CDH18: variants seen among roughly 807,000 people sequenced by gnomAD.
The protein encoded by CDH18 is cadherin-18.
Under a neutral mutation model 67.9 loss-of-function variants are expected in CDH18, and 31 were observed. The ratio of observed to expected loss-of-function variants is 0.46; its 90% CI spans 0.34 to 0.62. The LOEUF (loss-of-function observed/expected upper bound fraction) is 0.62, where lower values mean the gene tolerates loss of function less well. CDH18 is among the 20% of genes least tolerant of loss of function. The probability of loss-of-function intolerance (pLI) is 0.01; values close to 1 mark genes in which losing one functional copy is unlikely to be tolerated. For missense variants in CDH18, 890 were observed against 975.5 expected (o/e 0.91, Z 1.17); for synonymous variants, 362 against 347.2 (o/e 1.04, Z -0.48).
At chr5:19,620,928 A>AT (rs950040458) in intron 5 of CDH18, among the ~76,000 whole-genome samples, 1 of 152,182 alleles carries the variant, frequency 6.6e-6, no homozygotes, top group African/African-American at 2.4e-5. Context: ...TACTAAGAGC[A>AT]TAACAGATGC....
chr5:20,344,255 G>T (rs1740520676), intron 1 of CDH18, among the ~76,000 whole-genome samples: 1 of 152,076 alleles, frequency 6.6e-6, no homozygotes, highest in Non-Finnish European at 1.5e-5. Flanking sequence ...CAGTCAAAGA[G>T]GTTATTAATG....
At chr5:19,986,503 G>T (rs1268861853) in intron 1 of CDH18, among the ~76,000 whole-genome samples, 2 of 152,186 alleles carry the variant, frequency 1.3e-5, no homozygotes, top group East Asian at 1.9e-4. Flanking sequence ...TGTTTGTTTG[G>T]TTGGTTTTTT....
chr5:20,254,475 C>A (rs1173752465), intron 2 of CDH18, among the ~76,000 whole-genome samples: 2 of 152,160 alleles, frequency 1.3e-5, no homozygotes, highest in Non-Finnish European at 2.9e-5. Flanking sequence ...AAACTAACTT[C>A]ATAGGTGCAG....
intron 1 of CDH18, among the ~76,000 whole-genome samples, chr5:20,450,207 C>T (rs547702972): frequency 2.0e-5 from 3 of 151,936 alleles, no homozygotes; most frequent in Non-Finnish European, 2.9e-5. Context: ...ATTAGCCAGA[C>T]GTGGTGGCAC....
chr5:19,612,858 C>T (rs1749216326), intron 5 of CDH18, among the ~76,000 whole-genome samples: 1 of 152,110 alleles, frequency 6.6e-6, no homozygotes, highest in Non-Finnish European at 1.5e-5. Flanking sequence ...GATGGTCCCT[C>T]GGCCGGATGC....
chr5:20,008,317 C>G (rs1003293321), intron 2 of CDH18, among the ~76,000 whole-genome samples: 1 of 152,064 alleles, frequency 6.6e-6, no homozygotes, highest in Non-Finnish European at 1.5e-5. Flanking sequence ...TGGGGCTGCA[C>G]TGAATTTCTG....
chr5:20,329,335 T>C (rs913041871), intron 1 of CDH18, among the ~76,000 whole-genome samples: 1 of 152,206 alleles, frequency 6.6e-6, no homozygotes, highest in Non-Finnish European at 1.5e-5. Flanking sequence ...ATTTTAAAAC[T>C]TTCAATTTAT....
chr5:19,976,687 T>C (rs1032826357), intron 2 of CDH18, among the ~76,000 whole-genome samples: 1 of 151,952 alleles, frequency 6.6e-6, no homozygotes, highest in African/African-American at 2.4e-5. Flanking sequence ...AGGAAAGAAA[T>C]AATATTGTTA....
intron 7 of CDH18, among the ~76,000 whole-genome samples, chr5:19,586,682 T>C (rs1744202482): frequency 6.6e-6 from 1 of 152,188 alleles, no homozygotes; most frequent in South Asian, 2.1e-4. Flanking sequence ...CATGCATGTG[T>C]CTTTATAACA....
chr5:20,084,426 G>A (rs763476193), intron 2 of CDH18, among the ~76,000 whole-genome samples: 1 of 152,220 alleles, frequency 6.6e-6, no homozygotes, highest in Non-Finnish European at 1.5e-5. Flanking sequence ...CTGGTCTTGA[G>A]TGTCTGCAGC....
At chr5:20,121,328 G>C (rs762252505) in intron 2 of CDH18, among the ~76,000 whole-genome samples, 1 of 152,142 alleles carries the variant, frequency 6.6e-6, no homozygotes, top group Non-Finnish European at 1.5e-5. Flanking sequence ...AAGGATTAAA[G>C]AAAATGAAAT....
At chr5:19,512,184 G>A (rs1745231204) in intron 10 of CDH18, among the ~76,000 whole-genome samples, 1 of 152,054 alleles carries the variant, frequency 6.6e-6, no homozygotes, top group African/African-American at 2.4e-5. Context: ...AGGTAGCATG[G>A]GACTAGCAAC....
intron 2 of CDH18, among the ~76,000 whole-genome samples, chr5:20,089,017 CT>C (rs1168399968): frequency 6.6e-6 from 1 of 151,998 alleles, no homozygotes; most frequent in African/African-American, 2.4e-5. Context: ...GTATGTATTG[CT>C]GTTTTTTCTG....
In CDH18 at chr5:20,266,390, TAGC is replaced by T. The variant is rs1745032717; in HGVS notation, c.-579-10888_-579-10886del. ...AGAAATTAGAGTTACACTATTTCCA[TAGC>T]ACAAGAAAAAAAGTATGTTTGTTTG... On this transcript the variant is annotated intron_variant, in intron 1 of 14. Coordinates refer to the CDH18 transcript ENST00000507958. Among the ~76,000 whole-genome samples, 3 of 151,968 alleles carry T rather than the reference TAGC, an allele frequency of 2.0e-5. No individual in the cohort carries two copies. The South Asian group carries it at 6.2e-4, about 31-fold the overall frequency.
At chr5:19,496,319 A>G (rs575017234) in intron 11 of CDH18, among the ~76,000 whole-genome samples, 1 of 152,316 alleles carries the variant, frequency 6.6e-6, no homozygotes, top group Non-Finnish European at 1.5e-5. Context: ...TGCTTACCAG[A>G]GAAATGGTGA....
At chr5:20,130,420 C>T (rs528665962) in intron 2 of CDH18, among the ~76,000 whole-genome samples, 57 of 137,702 alleles carry the variant, frequency 4.1e-4, no homozygotes, top group African/African-American at 1.4e-3. Flanking sequence ...TTTTTTTTCA[C>T]TTACGACTTT....
chr5:20,469,550 A>C (rs1300787470), intron 1 of CDH18, among the ~76,000 whole-genome samples: 1 of 152,080 alleles, frequency 6.6e-6, no homozygotes, highest in African/African-American at 2.4e-5. Flanking sequence ...GCTGTAACGG[A>C]TACCCCGATC....
intron 2 of CDH18, among the ~76,000 whole-genome samples, chr5:20,158,113 T>C (rs187316093): frequency 2.0e-5 from 3 of 152,334 alleles, no homozygotes; most frequent in Admixed American, 2.0e-4. Flanking sequence ...GCTGAATATG[T>C]AATACGGTTA....
chr5:20,142,120 G>A lies in CDH18; in HGVS notation c.-518+113324C>T, dbSNP rs141160353. On this transcript the variant is annotated intron_variant, in intron 2 of 14. Coordinates refer to the CDH18 transcript ENST00000507958. ...TCAGGTAGAGGAAGAGGAAGCAAAT[G>A]ATTTGTGGTCTCATCAAAAGCTGAA... Among the ~76,000 whole-genome samples the A allele has an allele frequency of 6.3e-4, 96 of 152,110 alleles. No individual in the cohort carries two copies. The South Asian group carries it at 0.017, about 27-fold the overall frequency.
Sources: allele counts gnomAD v4.1 joint callset (sites outside exome capture counted in the v4.1 genomes callset), GRCh38; gene constraint gnomAD v4.1.1; transcripts MANE v1.5; gene names NCBI Gene and HGNC (gene_info 2026-07-23, HGNC 2026-07-21).